The following MIA3 variants were observed in gnomAD, a reference collection of about 807,000 sequenced individuals.
MIA3 encodes MIA SH3 domain ER export factor 3.
MIA3 carries 90 observed loss-of-function variants against 192.4 expected under a neutral mutation model. That is an observed-to-expected ratio of 0.47 (90% CI 0.39 to 0.56). The LOEUF (loss-of-function observed/expected upper bound fraction) is 0.56, where lower values mean the gene tolerates loss of function less well. Ranked by LOEUF, MIA3 falls within the 20% of genes least tolerant of loss-of-function variation. The pLI is 0.00. For synonymous variants in MIA3, 740 were observed against 792.8 expected (o/e 0.93, Z 1.12); for missense variants, 2,123 against 2,269.4 (o/e 0.94, Z 1.31).
chr1:222,618,354 C>T, intron 1 of MIA3, 111 bp downstream of exon 1: 3 of 1,120,062 alleles, frequency 2.7e-6, no homozygotes, highest in Admixed American at 4.4e-5. Flanking sequence ...ACGGGAGTTC[C>T]GCAGCCCCTG....
chr1:222,659,201 T>C (rs1663883486), intron 19 of MIA3: 1 of 501,662 alleles, frequency 2.0e-6, no homozygotes, highest in South Asian at 2.9e-5. Context: ...AATAGGATTA[T>C]TTGAGAACAT....
Position 222,660,275 on chromosome 1 carries a change from G to A in MIA3, c.5074G>A (p.Ala1692Thr). Reference protein sequence around the residue: ...TVEPPVRPLSATLNRRDMPRS... With the variant: ...TVEPPVRPLSTTLNRRDMPRS... ...GGAGCCACCCGTGAGACCTCTCTCTGCTACTCTCAATCGAAGAGATATGCC... is the reference window on the plus strand; with the variant it reads ...GGAGCCACCCGTGAGACCTCTCTCTACTACTCTCAATCGAAGAGATATGCC... The change falls in exon 24 of 28, where the codon GCT (alanine) becomes ACT (threonine). Residue 1692 changes from alanine to threonine, a missense_variant. This residue lies in a region of MIA3 where 762 missense variants were observed against 856.4 expected (regional missense o/e 0.89). Transcript: ENST00000344922. The A allele has an allele frequency of 1.2e-6, 2 of 1,613,926 alleles. No individual in the cohort carries two copies. Among genetic ancestry groups the A allele is most frequent in the Non-Finnish European group, 1.7e-6 (2 of 1,179,856 alleles).
chr1:222,634,799 TG>T (rs1217818997), intron 6 of MIA3, among the ~76,000 whole-genome samples: 2 of 152,212 alleles, frequency 1.3e-5, no homozygotes, highest in Non-Finnish European at 2.9e-5. Context: ...TTAAAATCCA[TG>T]GGTTTCAAGC....
intron 13 of MIA3, 23 bp from the exon 14 acceptor site, chr1:222,652,985 A>T (rs369898893): frequency 6.2e-6 from 10 of 1,602,410 alleles, no homozygotes; most frequent in Non-Finnish European, 8.5e-6. Context: ...AACCTGTGGG[A>T]ATCATGTGTT....
chr1:222,655,825 A>G (rs1276795216), intron 18 of MIA3, among the ~76,000 whole-genome samples: 1 of 151,944 alleles, frequency 6.6e-6, no homozygotes, highest in Non-Finnish European at 1.5e-5. Context: ...GTTTTATTCA[A>G]CTTCCCCAAA....
chr1:222,654,178 A>G (rs1013677864), intron 15 of MIA3, 65 bp from the exon 16 acceptor site: 23 of 1,494,700 alleles, frequency 1.5e-5, no homozygotes, highest in South Asian at 2.3e-5. Flanking sequence ...TGGGTAAATC[A>G]AGAAAATATA....
chr1:222,619,953 C>G (rs949941106), intron 1 of MIA3, among the ~76,000 whole-genome samples: 3 of 152,142 alleles, frequency 2.0e-5, no homozygotes, highest in Non-Finnish European at 4.4e-5. Context: ...ATTATAAATC[C>G]TCTATGATCT....
chr1:222,633,480 TG>T, intron 6 of MIA3, among the ~76,000 whole-genome samples: 1 of 152,254 alleles, frequency 6.6e-6, no homozygotes, highest in South Asian at 2.1e-4. Flanking sequence ...CTGTCAAACG[TG>T]GTTCTTCCTT....
At chr1:222,631,407 A>G (rs554158885) in intron 4 of MIA3, among the ~76,000 whole-genome samples, 81 of 152,262 alleles carry the variant, frequency 5.3e-4, no homozygotes, top group Admixed American at 1.2e-3. Flanking sequence ...GGTGTGAGCT[A>G]CCGCACCTGG....
chr1:222,621,592 T>TA (rs995322845), intron 2 of MIA3, among the ~76,000 whole-genome samples: 2 of 152,202 alleles, frequency 1.3e-5, no homozygotes, highest in African/African-American at 4.8e-5. Context: ...TTCATTGCTT[T>TA]AAAAAGGAAG....
rs750549234 is a variant in MIA3, at chr1:222,629,599, G to C, written c.2379G>C (p.Glu793Asp). 6.2e-7 allele frequency: 1 copy of C among 1,614,026 alleles called. No homozygotes were observed. Among genetic ancestry groups the C allele is most frequent in the Non-Finnish European group, 8.5e-7 (1 of 1,179,968 alleles). The change falls in exon 4 of 28, where the codon GAG becomes GAC. Residue 793 changes from glutamate (E) to aspartate (D), a missense_variant. Physicochemically the swap from Glu to Asp is conservative, Grantham distance 45 (BLOSUM62 2). Coordinates refer to ENST00000344922, the MANE Select transcript of MIA3 (RefSeq NM_198551.4). Reference protein sequence around the residue: ...SMILDSEKTSETAAKGVNTGG... With the variant: ...SMILDSEKTSDTAAKGVNTGG... ...TTTTGGATAGCGAAAAAACAAGTGAGACTGCTGCCAAAGGGGTCAACACAG... is the reference window on the plus strand; with the variant it reads ...TTTTGGATAGCGAAAAAACAAGTGACACTGCTGCCAAAGGGGTCAACACAG...
chr1:222,656,224 G>A (rs573900013), intron 18 of MIA3, among the ~76,000 whole-genome samples: 7 of 151,754 alleles, frequency 4.6e-5, no homozygotes, highest in African/African-American at 1.4e-4. Flanking sequence ...CACCCGCCTC[G>A]GCCTCCCAAA....
At chr1:222,644,048 T>C (rs1213238317) in intron 6 of MIA3, among the ~76,000 whole-genome samples, 1 of 152,202 alleles carries the variant, frequency 6.6e-6, no homozygotes, top group Non-Finnish European at 1.5e-5. Flanking sequence ...AGACCTGCTT[T>C]TCTCCTTTTC....
rs573374579 is a variant in MIA3, at chr1:222,639,617, A to G, written c.3478-5937A>G. 5.3e-5 allele frequency among the ~76,000 whole-genome samples: 8 copies of G among 152,326 alleles called. No individual in the cohort carries two copies. The South Asian group carries it at 1.4e-3, about 28-fold the overall frequency. On this transcript the variant is annotated intron_variant, in intron 6 of 27. Coordinates refer to ENST00000344922, the MANE Select transcript of MIA3 (RefSeq NM_198551.4). ...ATCAGTGTAATTAACCATAATGACA[A>G]ACTTTAAAAAGACAATCCATATGTT...
chr1:222,665,115 A>G (rs564737513), intron 27 of MIA3, 194 bp from the exon 28 acceptor site: 367 of 549,482 alleles, frequency 6.7e-4, no homozygotes, highest in Non-Finnish European at 1.1e-3. Flanking sequence ...GGGAGGATTG[A>G]TTGAGTCCGG....
At position 222,628,248 on chromosome 1, in the gene MIA3, C is replaced by G. The variant is rs1015993275; in HGVS notation, c.1028C>G (p.Ala343Gly). 3.1e-6 allele frequency: 5 copies of G among 1,613,964 alleles called. No homozygotes were observed. The Admixed American group carries it at 6.7e-5, about 22-fold the overall frequency. ...GATGGGGAAGATATGAAAACTCCAG[C>G]AAAGTCTGGCGTTGAGAAATATCCA... ...FTDGEDMKTP[A>G]KSGVEKYPTD... Residue 343 changes from alanine to glycine, a missense_variant, in exon 4 of 28, where the codon GCA (alanine) becomes GGA (glycine). Around this residue, in one of 3 missense-constraint regions of MIA3, gnomAD observed 1,357 missense variants for 1,396.1 expected, o/e 0.97. Transcript: ENST00000344922.
In MIA3 at chr1:222,651,008, C is replaced by CGA. The variant is rs1194458180; in HGVS notation, c.3909+107_3909+108dup. 3 of 666,956 alleles carry CGA rather than the reference C, an allele frequency of 4.5e-6. No individual in the cohort carries two copies. The Admixed American group carries it at 9.9e-5, about 22-fold the overall frequency. The allele number at this position is 666,956 out of a possible 1,614,324, so 41.3% of individuals were successfully genotyped here. A position where few individuals can be genotyped will look rare whatever the true frequency, so the allele number is the denominator to read the frequency against. ...CATGCTGTTATGTGAAGTAAGAGTGCGAGTCAGGGAAGTTGAACCTACTTC... is the reference window on the plus strand; with the variant it reads ...CATGCTGTTATGTGAAGTAAGAGTGCGAGAGTCAGGGAAGTTGAACCTACTTC... On this transcript the variant is annotated intron_variant, in intron 11 of 27. Coordinates refer to ENST00000344922, the MANE Select transcript of MIA3 (RefSeq NM_198551.4).
intron 2 of MIA3, among the ~76,000 whole-genome samples, chr1:222,622,403 C>G (rs569354016): frequency 6.6e-6 from 1 of 152,202 alleles, no homozygotes; most frequent in East Asian, 1.9e-4. Flanking sequence ...TAGGATTGTC[C>G]CAACTTAGAG....
rs755082469 is a variant in MIA3 at position 222,666,858 on chromosome 1, TACA to T, written c.*1242_*1244del. The T allele has an allele frequency of 2.0e-5, 3 of 152,220 alleles. No individual in the cohort carries two copies. Among genetic ancestry groups the T allele is most frequent in the Non-Finnish European group, 4.4e-5 (3 of 68,040 alleles). The allele number at this position is 152,220 out of a possible 1,614,324, so 9.4% of individuals were successfully genotyped here. On this transcript the variant is annotated 3_prime_UTR_variant, in exon 28 of 28. Coordinates refer to ENST00000344922, the MANE Select transcript of MIA3 (RefSeq NM_198551.4). The stretch of plus-strand genomic sequence containing the variant: ...TAAAACAATGTTTCTTTAAATACTC[TACA>T]ACGTTTCTAAGAACGAACTTCAGAC...
Sources: allele counts gnomAD v4.1 joint callset (sites outside exome capture counted in the v4.1 genomes callset), GRCh38; gene constraint gnomAD v4.1.1; regional missense constraint gnomAD v4.1.1; transcripts MANE v1.5; gene names NCBI Gene and HGNC (gene_info 2026-07-23, HGNC 2026-07-21).